FAM83B: variants seen among roughly 807,000 people sequenced by gnomAD.
FAM83B encodes scaffolding CK1 anchoring protein B.
A neutral mutation model predicts 38.8 loss-of-function variants in FAM83B; 26 were observed. The ratio of observed to expected loss-of-function variants is 0.67; its 90% confidence interval spans 0.49 to 0.93. The LOEUF (loss-of-function observed/expected upper bound fraction) is 0.93. Ranked by LOEUF, FAM83B falls within the 40% of genes least tolerant of loss-of-function variation. The pLI, the probability that FAM83B is intolerant of heterozygous loss-of-function variation, is 0.00. For missense variants in FAM83B, 1,237 were observed against 1,197.3 expected (o/e 1.03, Z -0.49); for synonymous variants, 419 against 423.1 (o/e 0.99, Z 0.12).
intron 2 of FAM83B, among the ~76,000 whole-genome samples, chr6:54,878,882 G>T (rs1353569174): frequency 2.0e-5 from 3 of 152,194 alleles, no homozygotes; most frequent in Non-Finnish European, 4.4e-5. Flanking sequence ...CAGGTGTGGG[G>T]TGATGGTATC....
chr6:54,904,220 A>C (rs951320281), intron 2 of FAM83B, among the ~76,000 whole-genome samples: 1 of 152,176 alleles, frequency 6.6e-6, no homozygotes, highest in Non-Finnish European at 1.5e-5. Context: ...TGGTCTTCAC[A>C]GGTTTTTAAT....
In FAM83B at chr6:54,942,968, T is replaced by C. The variant is rs967569676; in HGVS notation, c.*961T>C. Among the ~76,000 whole-genome samples, 1 of 151,750 alleles carries C rather than the reference T, an allele frequency of 6.6e-6. No homozygotes were observed. Among genetic ancestry groups the C allele is most frequent in the Non-Finnish European group, 1.5e-5 (1 of 67,952 alleles). On this transcript the variant is annotated 3_prime_UTR_variant, in exon 5 of 5. Transcript: ENST00000306858. ...CCCAGGCTAGAGTGCAGTGGCGCAA[T>C]CTTGGCTCACTGCAACCTCTGCCTC...
chr6:54,893,064 A>T (rs1033264034), intron 2 of FAM83B, among the ~76,000 whole-genome samples: 1 of 152,056 alleles, frequency 6.6e-6, no homozygotes, highest in Non-Finnish European at 1.5e-5. Context: ...CCATCTTGGA[A>T]ACAGATACTC....
At chr6:54,898,994 G>A (rs1772598236) in intron 2 of FAM83B, among the ~76,000 whole-genome samples, 1 of 152,050 alleles carries the variant, frequency 6.6e-6, no homozygotes, top group African/African-American at 2.4e-5. Flanking sequence ...CACATTTTCT[G>A]TAGCACTTAA....
chr6:54,932,888 TTC>T (rs1189208301), intron 4 of FAM83B, among the ~76,000 whole-genome samples: 3 of 152,178 alleles, frequency 2.0e-5, no homozygotes, highest in African/African-American at 7.2e-5. Flanking sequence ...TTTCAAGACT[TTC>T]TGTCTTTGAC....
chr6:54,902,960 C>A (rs756258689), intron 2 of FAM83B, among the ~76,000 whole-genome samples: 2 of 152,076 alleles, frequency 1.3e-5, no homozygotes, highest in Non-Finnish European at 2.9e-5. Flanking sequence ...AAAACAAGTA[C>A]ATTTTGATAA....
chr6:54,907,567 G>T (rs1292961927), intron 2 of FAM83B, among the ~76,000 whole-genome samples: 2 of 148,860 alleles, frequency 1.3e-5, no homozygotes, highest in East Asian at 4.1e-4. Context: ...TTCTGACAGG[G>T]TGAGACTGAG....
At chr6:54,932,909 G>A (rs1250485814) in intron 4 of FAM83B, among the ~76,000 whole-genome samples, 1 of 152,012 alleles carries the variant, frequency 6.6e-6, no homozygotes, top group Non-Finnish European at 1.5e-5. Flanking sequence ...ACTTTAAACA[G>A]GTCTGATTAT....
At chr6:54,880,524 C>T (rs1581896857) in intron 2 of FAM83B, among the ~76,000 whole-genome samples, 1 of 144,500 alleles carries the variant, frequency 6.9e-6, no homozygotes, top group African/African-American at 2.5e-5. Flanking sequence ...GGCTCACTGC[C>T]ACCTCTGCCT....
chr6:54,880,952 C>T (rs1229463703), intron 2 of FAM83B, among the ~76,000 whole-genome samples: 1 of 152,052 alleles, frequency 6.6e-6, no homozygotes, highest in Non-Finnish European at 1.5e-5. Flanking sequence ...ATATAAATCC[C>T]TGAAATAGAA....
chr6:54,913,349 T>C (rs2127585130), intron 2 of FAM83B, among the ~76,000 whole-genome samples: 1 of 152,266 alleles, frequency 6.6e-6, no homozygotes, highest in Non-Finnish European at 1.5e-5. Context: ...TATTTAATGC[T>C]TCCTTACCAT....
intron 3 of FAM83B, among the ~76,000 whole-genome samples, chr6:54,926,761 C>G (rs1773295798): frequency 6.6e-6 from 1 of 152,110 alleles, no homozygotes; most frequent in Non-Finnish European, 1.5e-5. Context: ...GAGACGGAGT[C>G]TTGCTCTCCC....
intron 2 of FAM83B, among the ~76,000 whole-genome samples, chr6:54,924,280 A>C (rs1199244819): frequency 6.6e-6 from 1 of 151,878 alleles, no homozygotes; most frequent in African/African-American, 2.4e-5. Flanking sequence ...CTATCTTAAC[A>C]TCATGTTGTA....
At chr6:54,856,971 T>C (rs371601502) in intron 1 of FAM83B, among the ~76,000 whole-genome samples, 1 of 152,314 alleles carries the variant, frequency 6.6e-6, no homozygotes, top group South Asian at 2.1e-4. Context: ...TTGTGTCCAC[T>C]TACACAATTG....
At chr6:54,905,474 C>T (rs1772756732) in intron 2 of FAM83B, among the ~76,000 whole-genome samples, 1 of 152,158 alleles carries the variant, frequency 6.6e-6, no homozygotes, top group African/African-American at 2.4e-5. Flanking sequence ...ATATCTTTCA[C>T]CTCACATTCT....
intron 1 of FAM83B, among the ~76,000 whole-genome samples, chr6:54,863,211 A>G (rs939207390): frequency 6.6e-6 from 1 of 152,214 alleles, no homozygotes; most frequent in Non-Finnish European, 1.5e-5. Flanking sequence ...TTATGCACAT[A>G]AAGAGGGGTT....
intron 1 of FAM83B, among the ~76,000 whole-genome samples, chr6:54,851,301 T>A (rs1771280057): frequency 1.3e-5 from 2 of 152,038 alleles, no homozygotes; most frequent in African/African-American, 4.8e-5. Context: ...CCATTATGTT[T>A]TTCTCTTCAC....
Position 54,937,493 on chromosome 6 carries a change from G to A in FAM83B, c.735-2213G>A, listed in dbSNP as rs542632026. ...TGAATTCTGCCCTTTAATGATTGAG[G>A]CAGCTGGCCACAAATCCTGTTTACA... On this transcript the variant is annotated intron_variant, in intron 4 of 4. Transcript: ENST00000306858. Among the ~76,000 whole-genome samples, 6 of 152,030 alleles carry A rather than the reference G, an allele frequency of 3.9e-5. No homozygotes were observed. In the South Asian group the frequency reaches 1.3e-3, roughly 32 times the overall value.
chr6:54,885,442 A>G (rs996571202), intron 2 of FAM83B, among the ~76,000 whole-genome samples: 4 of 152,014 alleles, frequency 2.6e-5, no homozygotes, highest in African/African-American at 4.8e-5. Context: ...ATATGGAAAT[A>G]TATTTTTTGT....
Sources: allele counts gnomAD v4.1 joint callset (sites outside exome capture counted in the v4.1 genomes callset), GRCh38; gene constraint gnomAD v4.1.1; transcripts MANE v1.5; gene names NCBI Gene and HGNC (gene_info 2026-07-23, HGNC 2026-07-21).